Variants in VDAC1 observed in about 807,000 individuals in gnomAD.
VDAC1 encodes the protein non-selective voltage-gated ion channel VDAC1.
VDAC1 carries 10 observed loss-of-function variants against 34.7 expected under a neutral mutation model. The observed-to-expected ratio is 0.29, with a 90% CI of 0.18 to 0.49. The LOEUF (loss-of-function observed/expected upper bound fraction) is 0.49. Ranked by LOEUF, VDAC1 falls within the 20% of genes least tolerant of loss-of-function variation. The probability of loss-of-function intolerance (pLI) is 0.99; values close to 1 mark genes in which losing one functional copy is unlikely to be tolerated. For synonymous variants in VDAC1, 130 were observed against 136.0 expected, an observed-to-expected ratio of 0.96 and a Z score of 0.30; for missense variants, 230 against 347.9, an observed-to-expected ratio of 0.66 and a Z score of 2.69.
intron 5 of VDAC1, 26 bp downstream of exon 5, chr5:133,990,829 G>A: frequency 6.6e-7 from 1 of 1,524,402 alleles, no homozygotes; most frequent in Non-Finnish European, 8.8e-7. Flanking sequence ...GAACATCCTT[G>A]TGGAGAAAAC....
At position 133,991,071 on chromosome 5, in the gene VDAC1, G is replaced by A. The variant is rs756094874; in HGVS notation, c.201C>T (p.Tyr67=). The A allele has an allele frequency of 9.3e-6, 15 of 1,613,976 alleles. No individual in the cohort carries two copies. In the East Asian group the frequency reaches 1.6e-4, roughly 17 times the overall value. Residue 67 remains tyrosine, a synonymous_variant, in exon 4 of 9, where the codon TAC becomes TAT. Transcript: ENST00000265333. ...TCCATTTCTCTGTAAACGTCAGGCC[G>A]TACTCAGTCCATCTGTACTTGGTTT... is the stretch of plus-strand genomic sequence containing the variant. ...SLETKYRWTE[Y]GLTFTEKWNT...
At chr5:134,062,688 G>T in the VDAC1 span, among the ~76,000 whole-genome samples, 1 of 151,534 alleles carries the variant, frequency 6.6e-6, no homozygotes, top group African/African-American at 2.4e-5. Context: ...GTGCAATGGC[G>T]CAATCTCGGC....
At chr5:134,067,787 G>A in the VDAC1 span, among the ~76,000 whole-genome samples, 1 of 152,032 alleles carries the variant, frequency 6.6e-6, no homozygotes, top group South Asian at 2.1e-4. Flanking sequence ...TTCACTTTCT[G>A]TTACACTCTC....
the VDAC1 span, among the ~76,000 whole-genome samples, chr5:134,010,798 C>T: frequency 6.6e-6 from 1 of 152,004 alleles, no homozygotes; most frequent in Non-Finnish European, 1.5e-5. Context: ...ACAAACAAAA[C>T]AAAACAAAAA....
the VDAC1 span, among the ~76,000 whole-genome samples, chr5:134,078,604 T>G: frequency 6.6e-6 from 1 of 151,238 alleles, no homozygotes; most frequent in African/African-American, 2.4e-5. Flanking sequence ...GTGTGCAAGA[T>G]AGTAAGTAAG....
chr5:134,048,769 G>A, the VDAC1 span, among the ~76,000 whole-genome samples: 5 of 151,512 alleles, frequency 3.3e-5, no homozygotes, highest in African/African-American at 1.2e-4. Context: ...CCCCCGCCGG[G>A]CATTTTTTTT....
At chr5:133,983,308 T>C (rs1047231807) in intron 5 of VDAC1, among the ~76,000 whole-genome samples, 7 of 151,542 alleles carry the variant, frequency 4.6e-5, no homozygotes, top group African/African-American at 1.5e-4. Flanking sequence ...AATAATATCA[T>C]GGTTATGCTC....
the VDAC1 span, among the ~76,000 whole-genome samples, chr5:134,031,861 G>T: frequency 6.7e-6 from 1 of 149,972 alleles, no homozygotes; most frequent in African/African-American, 2.5e-5. Flanking sequence ...TGAGGCAGGA[G>T]AATCGCTTGA....
the VDAC1 span, among the ~76,000 whole-genome samples, chr5:134,038,884 C>T: frequency 9.6e-6 from 1 of 103,698 alleles, no homozygotes; most frequent in East Asian, 2.9e-4. Flanking sequence ...TTGAGATAGA[C>T]ACAAAATGAA....
At chr5:134,095,755 T>G in the VDAC1 span, among the ~76,000 whole-genome samples, 1 of 152,226 alleles carries the variant, frequency 6.6e-6, no homozygotes, top group Non-Finnish European at 1.5e-5. Flanking sequence ...CGTGGCTATT[T>G]ACATTTAAAT....
the VDAC1 span, among the ~76,000 whole-genome samples, chr5:134,112,668 A>G: frequency 6.6e-6 from 1 of 152,234 alleles, no homozygotes; most frequent in Non-Finnish European, 1.5e-5. Context: ...GACATGAAAA[A>G]AAACACTTGT....
chr5:134,086,753 T>C, the VDAC1 span, among the ~76,000 whole-genome samples: 1 of 152,112 alleles, frequency 6.6e-6, no homozygotes, highest in Admixed American at 6.6e-5. Flanking sequence ...AAATCTCCAG[T>C]ACAGGCAGCA....
At chr5:134,039,500 T>C in the VDAC1 span, among the ~76,000 whole-genome samples, 1 of 116,082 alleles carries the variant, frequency 8.6e-6, no homozygotes, top group East Asian at 2.5e-4. Context: ...GGCTAATTTT[T>C]TGTATTTTTA....
chr5:134,019,160 A>G, the VDAC1 span, among the ~76,000 whole-genome samples: 1 of 152,210 alleles, frequency 6.6e-6, no homozygotes, highest in Non-Finnish European at 1.5e-5. Context: ...AAATGGAGTC[A>G]TTCGTGTTAA....
At chr5:134,055,885 G>A in the VDAC1 span, among the ~76,000 whole-genome samples, 1 of 151,584 alleles carries the variant, frequency 6.6e-6, no homozygotes, top group Non-Finnish European at 1.5e-5. Flanking sequence ...TCCTATGGGC[G>A]TGCAAGCACA....
the VDAC1 span, among the ~76,000 whole-genome samples, chr5:134,017,026 T>A: frequency 6.6e-6 from 1 of 152,240 alleles, no homozygotes. Flanking sequence ...CCCAGATGGC[T>A]GGTGCCTTCT....
the VDAC1 span, among the ~76,000 whole-genome samples, chr5:134,046,497 G>A: frequency 6.6e-6 from 1 of 152,100 alleles, no homozygotes; most frequent in South Asian, 2.1e-4. Flanking sequence ...ATTCACATCT[G>A]CAAACATCTG....
chr5:134,079,387 G>A, the VDAC1 span, among the ~76,000 whole-genome samples: 1 of 152,358 alleles, frequency 6.6e-6, no homozygotes, highest in South Asian at 2.1e-4. Flanking sequence ...TGGGGACCAG[G>A]GGTCTGGACT....
At chr5:134,112,091 G>T in the VDAC1 span, among the ~76,000 whole-genome samples, 6 of 152,130 alleles carry the variant, frequency 3.9e-5, no homozygotes, top group African/African-American at 1.4e-4. Flanking sequence ...ACTCCTGTGG[G>T]GCCGCACCAA....
Sources: gnomAD v4.1 joint callset for allele counts (sites outside exome capture counted in the v4.1 genomes callset) on GRCh38, gnomAD v4.1.1 for gene constraint, MANE v1.5 for transcripts, NCBI Gene and HGNC (gene_info 2026-07-23, HGNC 2026-07-21) for gene names.